USH2A: variants seen among roughly 807,000 people sequenced by gnomAD.
USH2A encodes the protein Usher syndrome 2A (autosomal recessive, mild).
A neutral mutation model predicts 538.9 loss-of-function variants in USH2A; 443 were observed. The observed-to-expected ratio is 0.82, with a 90% confidence interval of 0.76 to 0.89. The LOEUF is 0.89. Ranked by LOEUF, USH2A falls within the 40% of genes least tolerant of loss-of-function variation. The pLI, the probability that USH2A is intolerant of heterozygous loss-of-function variation, is 0.00. For synonymous variants in USH2A, 2,413 were observed against 2,273.5 expected (o/e 1.06, Z -1.75); for missense variants, 6,633 against 6,324.8 (o/e 1.05, Z -1.65).
At chr1:215,629,911 G>A in intron 70 of USH2A, 1 of 319,354 alleles carries the variant, frequency 3.1e-6, no homozygotes, top group East Asian at 8.3e-5. Context: ...GAGTAGCTGG[G>A]ACTACAGGCG....
At chr1:215,824,100 A>T (rs542460830) in intron 47 of USH2A, among the ~76,000 whole-genome samples, 3 of 152,182 alleles carry the variant, frequency 2.0e-5, no homozygotes, top group Admixed American at 2.0e-4. Context: ...GTCTGCAAAC[A>T]CACCACCGTC....
intron 34 of USH2A, among the ~76,000 whole-genome samples, chr1:215,996,464 CTTTA>C (rs1429129444): frequency 6.9e-6 from 1 of 143,902 alleles, no homozygotes; most frequent in Non-Finnish European, 1.5e-5. Flanking sequence ...TTAATAGCTT[CTTTA>C]TTTTATTTTT....
chr1:215,772,851 T>C (rs111374642), intron 55 of USH2A, among the ~76,000 whole-genome samples: 393 of 152,292 alleles, frequency 2.6e-3, no homozygotes, highest in African/African-American at 9.3e-3. Context: ...CATCAGCATG[T>C]TTAGTGATTA....
chr1:215,882,751 C>G (rs1664947869), intron 41 of USH2A, among the ~76,000 whole-genome samples: 1 of 152,126 alleles, frequency 6.6e-6, no homozygotes, highest in South Asian at 2.1e-4. Context: ...ACTTGCTTTT[C>G]AGACTTAATT....
At chr1:216,191,634 T>G (rs187076646) in intron 19 of USH2A, among the ~76,000 whole-genome samples, 29 of 152,030 alleles carry the variant, frequency 1.9e-4, no homozygotes, top group African/African-American at 7.0e-4. Context: ...AGATACAAAC[T>G]TTTCTGTGAA....
At chr1:216,205,335 G>T (rs1483413462) in intron 16 of USH2A, among the ~76,000 whole-genome samples, 1 of 152,144 alleles carries the variant, frequency 6.6e-6, no homozygotes, top group East Asian at 1.9e-4. Context: ...CTAGTAGCAG[G>T]TTTTCAGGAT....
intron 14 of USH2A, among the ~76,000 whole-genome samples, chr1:216,220,914 A>G (rs2035446292): frequency 6.6e-6 from 1 of 152,170 alleles, no homozygotes; most frequent in African/African-American, 2.4e-5. Context: ...GGAGAAAGAG[A>G]TCTCCAATTG....
intron 4 of USH2A, among the ~76,000 whole-genome samples, chr1:216,347,687 A>C (rs1212829865): frequency 6.6e-6 from 1 of 152,140 alleles, no homozygotes; most frequent in Non-Finnish European, 1.5e-5. Flanking sequence ...ATTGTCAGTA[A>C]AATCATTGTA....
chr1:216,178,212 A>G (rs2034429464), intron 20 of USH2A, among the ~76,000 whole-genome samples: 1 of 152,214 alleles, frequency 6.6e-6, no homozygotes, highest in African/African-American at 2.4e-5. Context: ...TAGAAGGATA[A>G]TTAACAATTC....
At chr1:215,704,610 T>G in intron 61 of USH2A, among the ~76,000 whole-genome samples, 1 of 152,306 alleles carries the variant, frequency 6.6e-6, no homozygotes, top group South Asian at 2.1e-4. Context: ...GGGCACATCC[T>G]TAGCCTCTCC....
At chr1:216,122,146 T>C (rs1472972607) in intron 21 of USH2A, among the ~76,000 whole-genome samples, 1 of 152,174 alleles carries the variant, frequency 6.6e-6, no homozygotes, top group Non-Finnish European at 1.5e-5. Flanking sequence ...CTGTCTAGAA[T>C]AGCACATCAG....
At chr1:215,712,867 C>A (rs538756554) in intron 61 of USH2A, among the ~76,000 whole-genome samples, 28 of 150,008 alleles carry the variant, frequency 1.9e-4, no homozygotes, top group Admixed American at 6.0e-4. Context: ...AGTGCAGTGG[C>A]AGATCTCGGC....
chr1:215,797,502 T>C (rs1290293267), intron 50 of USH2A, among the ~76,000 whole-genome samples: 1 of 152,160 alleles, frequency 6.6e-6, no homozygotes, highest in Non-Finnish European at 1.5e-5. Flanking sequence ...TTGACTCTCC[T>C]GCTGGGGGGC....
At chr1:216,082,721 T>C (rs1171489454) in intron 26 of USH2A, among the ~76,000 whole-genome samples, 1 of 152,144 alleles carries the variant, frequency 6.6e-6, no homozygotes, top group Non-Finnish European at 1.5e-5. Flanking sequence ...AAAATGTTTA[T>C]AGCAGTCTTA....
chr1:215,890,370 C>G (rs1327569709), intron 40 of USH2A, among the ~76,000 whole-genome samples: 1 of 152,154 alleles, frequency 6.6e-6, no homozygotes, highest in Non-Finnish European at 1.5e-5. Context: ...CACTGCTTTG[C>G]AGGGCCAGTG....
rs769715362 is a variant in USH2A at position 215,628,882 on chromosome 1, T to C, written c.15451A>G (p.Ile5151Val). 6.2e-7 allele frequency: 1 copy of C among 1,614,186 alleles called. No homozygotes were observed. The highest frequency in any genetic ancestry group is 8.5e-7 in the Non-Finnish European group (1 of 1,180,040). ...LHRSVSQLMDIQDKKVLMDNS... is the reference protein window; with the variant it reads ...LHRSVSQLMDVQDKKVLMDNS... ...TCCATCAAGACTTTCTTGTCTTGAA[T>C]GTCCATGAGCTGGCTGACGCTGCGG... The change falls in exon 71 of 72, where the codon ATT becomes GTT. Residue 5151 changes from isoleucine (I) to valine (V), a missense_variant. Transcript: ENST00000307340.
rs200059473 is a variant in USH2A at position 216,366,617 on chromosome 1, C to CA, written c.652-1533dup. Among the ~76,000 whole-genome samples the CA allele has an allele frequency of 2.2e-3, 335 of 151,328 alleles. 3 individuals carry two copies. The highest frequency in any genetic ancestry group is 7.5e-3 in the South Asian group (36 of 4,792). ...AAAAAACAAGCAAAACACAACAAAA[C>CA]AAAAAAAACAGGAAGTTACTACAAT... On this transcript the variant is annotated intron_variant, in intron 3 of 71. Coordinates refer to ENST00000307340, the MANE Select transcript of USH2A (RefSeq NM_206933.4).
intron 49 of USH2A, among the ~76,000 whole-genome samples, chr1:215,803,643 C>G (rs1289952278): frequency 6.6e-6 from 1 of 152,112 alleles, no homozygotes; most frequent in African/African-American, 2.4e-5. Flanking sequence ...AGGATACAAA[C>G]AAATGGAAGA....
At chr1:216,072,659 A>C in intron 29 of USH2A, 1 of 563,638 alleles carries the variant, frequency 1.8e-6, no homozygotes, top group Admixed American at 2.9e-5. Context: ...CTGCATCCTA[A>C]GAGGAAAGGA....
Sources: gnomAD v4.1 joint callset for allele counts (sites outside exome capture counted in the v4.1 genomes callset) on GRCh38, gnomAD v4.1.1 for gene constraint, MANE v1.5 for transcripts, NCBI Gene and HGNC (gene_info 2026-07-23, HGNC 2026-07-21) for gene names.